Variants in SF3B1 observed in about 807,000 individuals in gnomAD.
SF3B1 encodes the protein splicing factor 3b subunit 1, also known as pre-mRNA processing 10.
In SF3B1, 12 loss-of-function variants were observed where a neutral mutation model predicts 153.8. The observed-to-expected ratio is 0.08, with a 90% confidence interval of 0.05 to 0.13. The LOEUF (loss-of-function observed/expected upper bound fraction) is 0.13. SF3B1 is among the 10% of genes least tolerant of loss of function. SF3B1 has a pLI of 1.00. For missense variants in SF3B1, 513 were observed against 1,606.1 expected, an observed-to-expected ratio of 0.32 and a Z score of 11.63; for synonymous variants, 498 against 525.2, an observed-to-expected ratio of 0.95 and a Z score of 0.71.
rs1402574769 is a variant in SF3B1, at chr2:197,391,855, G to GCTAA, written c.*444_*447dup. On this transcript the variant is annotated 3_prime_UTR_variant, in exon 25 of 25. Transcript: ENST00000335508. ...CATCACTTTATATAGTTTTTATTCA[G>GCTAA]CTAACTACTTTCTATAAACCATGTG... 1 of 165,152 alleles carries GCTAA rather than the reference G, an allele frequency of 6.1e-6. No individual in the cohort carries two copies. Among genetic ancestry groups the GCTAA allele is most frequent in the Admixed American group, 6.4e-5 (1 of 15,546 alleles). 10.2% of individuals were successfully genotyped at this position (165,152 alleles called of 1,614,324 possible).
chr2:197,432,721 G>C (rs889933848), intron 1 of SF3B1, among the ~76,000 whole-genome samples: 4 of 152,112 alleles, frequency 2.6e-5, no homozygotes, highest in Non-Finnish European at 5.9e-5. Context: ...ACAAAAATTA[G>C]TCGGGTGTGG....
At chr2:197,406,485 G>A (rs1299902672) in intron 9 of SF3B1, among the ~76,000 whole-genome samples, 1 of 152,144 alleles carries the variant, frequency 6.6e-6, no homozygotes, top group East Asian at 1.9e-4. Flanking sequence ...GTGAGGCCTA[G>A]AGAAATCAAT....
At chr2:197,419,196 ATTTT>A (rs1004653856) in intron 4 of SF3B1, 2 of 457,154 alleles carry the variant, frequency 4.4e-6, no homozygotes, top group South Asian at 4.4e-5. Flanking sequence ...CAGAAAACAT[ATTTT>A]TATTTCTTAG....
chr2:197,393,385 C>G, intron 23 of SF3B1, 197 bp from the exon 24 acceptor site: 1 of 561,576 alleles, frequency 1.8e-6, no homozygotes. Context: ...ATAGCTTCCA[C>G]TTGAGGACTT....
intron 2 of SF3B1, among the ~76,000 whole-genome samples, chr2:197,421,689 A>G (rs1156535216): frequency 6.6e-6 from 1 of 152,156 alleles, no homozygotes; most frequent in Non-Finnish European, 1.5e-5. Context: ...CCTAGGCAAC[A>G]GAGACCCAGC....
At chr2:197,407,492 G>T (rs916266317) in intron 9 of SF3B1, among the ~76,000 whole-genome samples, 21 of 151,842 alleles carry the variant, frequency 1.4e-4, no homozygotes, top group African/African-American at 5.1e-4. Context: ...GTAATCCCAG[G>T]TACCTGGGAA....
chr2:197,413,605 T>A (rs1021408988), intron 6 of SF3B1, among the ~76,000 whole-genome samples: 4 of 152,190 alleles, frequency 2.6e-5, no homozygotes, highest in Non-Finnish European at 5.9e-5. Flanking sequence ...TCTTGGTTTA[T>A]AAATTAAATC....
At chr2:197,414,801 T>C (rs941250886) in intron 6 of SF3B1, among the ~76,000 whole-genome samples, 1 of 152,036 alleles carries the variant, frequency 6.6e-6, no homozygotes, top group African/African-American at 2.4e-5. Context: ...GCCCAGGAGT[T>C]TGAGATCAGC....
At chr2:197,412,340 TA>T (rs1211128010) in intron 6 of SF3B1, among the ~76,000 whole-genome samples, 3 of 123,638 alleles carry the variant, frequency 2.4e-5, no homozygotes, top group South Asian at 3.0e-4. Context: ...GTCTCTGATT[TA>T]ATTTATTTAT....
intron 1 of SF3B1, among the ~76,000 whole-genome samples, chr2:197,433,471 CA>C (rs1209924371): frequency 6.6e-6 from 1 of 152,100 alleles, no homozygotes. Flanking sequence ...CCTGAATGAA[CA>C]AAAACAGCAC....
intron 6 of SF3B1, among the ~76,000 whole-genome samples, chr2:197,410,501 A>ATT (rs573287348): frequency 0.023 from 2,533 of 107,866 alleles, 59 homozygotes; most frequent in African/African-American, 0.034. Flanking sequence ...CACCTATGTA[A>ATT]TTTTTTTTTT....
At chr2:197,410,899 A>G (rs1472671168) in intron 6 of SF3B1, among the ~76,000 whole-genome samples, 1 of 152,178 alleles carries the variant, frequency 6.6e-6, no homozygotes, top group Non-Finnish European at 1.5e-5. Context: ...ATATTACCCT[A>G]GCTGATGCTG....
intron 1 of SF3B1, among the ~76,000 whole-genome samples, chr2:197,427,321 T>C (rs2085350300): frequency 6.6e-6 from 1 of 152,364 alleles, no homozygotes; most frequent in Non-Finnish European, 1.5e-5. Context: ...GTTTTCTGTC[T>C]GCTGGAAACT....
In SF3B1 at chr2:197,402,146, C is replaced by T. The variant is rs2105985628; in HGVS notation, c.2078-16G>A. 1.9e-6 allele frequency: 3 copies of T among 1,584,894 alleles called. No individual in the cohort carries two copies. In the South Asian group the frequency reaches 3.4e-5, roughly 18 times the overall value. ...TCCACAAGACCTACAAAACCAAACA[C>T]AGGTTTTAACTATGCCCCAACATTA... On this transcript the variant is annotated splice_polypyrimidine_tract_variant and intron_variant, in intron 14 of 24. Coordinates refer to ENST00000335508, the MANE Select transcript of SF3B1 (RefSeq NM_012433.4). The surrounding 1 kb of genome is among the most constrained non-coding windows in gnomAD (Gnocchi z 4.6).
intron 24 of SF3B1, 93 bp downstream of exon 24, chr2:197,392,879 A>T: frequency 2.7e-6 from 2 of 748,270 alleles, no homozygotes; most frequent in Non-Finnish European, 2.2e-6. Flanking sequence ...ATACCTATGT[A>T]ACAAACCTGC....
At chr2:197,427,320 C>T (rs1040016155) in intron 1 of SF3B1, among the ~76,000 whole-genome samples, 4 of 152,206 alleles carry the variant, frequency 2.6e-5, no homozygotes, top group African/African-American at 9.6e-5. Flanking sequence ...TGTTTTCTGT[C>T]TGCTGGAAAC....
At chr2:197,413,955 C>T (rs935578704) in intron 6 of SF3B1, among the ~76,000 whole-genome samples, 5 of 151,142 alleles carry the variant, frequency 3.3e-5, no homozygotes, top group African/African-American at 9.7e-5. Flanking sequence ...TACAGGTGCC[C>T]GCCAACATGC....
intron 1 of SF3B1, among the ~76,000 whole-genome samples, chr2:197,433,252 G>C (rs1434427567): frequency 6.6e-6 from 1 of 152,228 alleles, no homozygotes; most frequent in Non-Finnish European, 1.5e-5. Flanking sequence ...TTTTCTTATG[G>C]TATCACTTAA....
rs753700189 is a variant in SF3B1 at position 197,392,297 on chromosome 2, A to G, written c.*6T>C. Reference sequence around the variant, plus strand: ...CTGTGCATTAAACACAAAATAAACAATAAAATTATAAGATATAGTCAAGTT... The same window carrying G: ...CTGTGCATTAAACACAAAATAAACAGTAAAATTATAAGATATAGTCAAGTT... On this transcript the variant is annotated 3_prime_UTR_variant, in exon 25 of 25. Coordinates refer to ENST00000335508, the MANE Select transcript of SF3B1 (RefSeq NM_012433.4). 5.5e-6 allele frequency: 6 copies of G among 1,082,350 alleles called. No homozygotes were observed. Among genetic ancestry groups the G allele is most frequent in the Non-Finnish European group, 8.5e-6 (6 of 709,182 alleles). The allele number at this position is 1,082,350 out of a possible 1,614,324, so 67.0% of individuals were successfully genotyped here.
Sources: allele counts gnomAD v4.1 joint callset (sites outside exome capture counted in the v4.1 genomes callset), GRCh38; gene constraint gnomAD v4.1.1; non-coding constraint Gnocchi (gnomAD v3.1); transcripts MANE v1.5; gene names NCBI Gene and HGNC (gene_info 2026-07-23, HGNC 2026-07-21).